The following THUMPD1 variants were observed in gnomAD, a reference collection of about 807,000 sequenced individuals.
THUMPD1 encodes THUMP domain-containing protein 1.
THUMPD1 carries 31 observed loss-of-function variants against 31.6 expected under a neutral mutation model. The ratio of observed to expected loss-of-function variants is 0.98; its 90% CI spans 0.74 to 1.32. The LOEUF (loss-of-function observed/expected upper bound fraction) is 1.32. Among genes scored for constraint, THUMPD1 ranks in the 40% most tolerant of loss-of-function variants. The pLI, the probability that THUMPD1 is intolerant of heterozygous loss-of-function variation, is 0.00. For missense variants in THUMPD1, 446 were observed against 427.8 expected (o/e 1.04, Z -0.38); for synonymous variants, 166 against 158.2 (o/e 1.05, Z -0.37).
At chr16:20,741,328 T>C (rs750800343) in intron 1 of THUMPD1, among the ~76,000 whole-genome samples, 181 bp downstream of exon 1, 43 of 152,208 alleles carry the variant, frequency 2.8e-4, no homozygotes, top group Non-Finnish European at 5.0e-4. Flanking sequence ...ACAAAACCGA[T>C]AGCACCGAAG....
chr16:20,737,694 TAA>T lies in THUMPD1; in HGVS notation c.655+12_655+13del. 1 of 1,591,874 alleles carries T rather than the reference TAA, an allele frequency of 6.3e-7. No homozygotes were observed. Among genetic ancestry groups the T allele is most frequent in the Non-Finnish European group, 8.5e-7 (1 of 1,170,338 alleles). On this transcript the variant is annotated intron_variant, in intron 3 of 3. Transcript: ENST00000396083. ...CCATTGAATGCCTATGGAAAATCAC[TAA>T]GAGAAACATACCTGCCAATTCTCTG...
In THUMPD1 at chr16:20,736,616, G is replaced by T; in HGVS notation, c.*264C>A. 2 of 407,940 alleles carry T rather than the reference G, an allele frequency of 4.9e-6. No homozygotes were observed. The highest frequency in any genetic ancestry group is 8.1e-5 in the East Asian group (2 of 24,544). The allele number at this position is 407,940 out of a possible 1,614,324, so 25.3% of individuals were successfully genotyped here. On this transcript the variant is annotated 3_prime_UTR_variant, in exon 4 of 4. Coordinates refer to ENST00000396083, the MANE Select transcript of THUMPD1 (RefSeq NM_017736.5). ...AGTCAGCTGGCACTGCAGAAGAGGA[G>T]CCTGGGAGAGGCCAACATCCCCCTC...
chr16:20,738,023 A>AT, intron 2 of THUMPD1, 67 bp from the exon 3 acceptor site: 1 of 1,414,512 alleles, frequency 7.1e-7, no homozygotes, highest in Non-Finnish European at 9.7e-7. Context: ...TCTAAAATGA[A>AT]TTTTCACTGG....
chr16:20,737,793 A>G lies in THUMPD1; in HGVS notation c.570T>C (p.Ala190=). 6.2e-7 allele frequency: 1 copy of G among 1,613,868 alleles called. No individual in the cohort carries two copies. The highest frequency in any genetic ancestry group is 8.5e-7 in the Non-Finnish European group (1 of 1,179,916). ...AETFLEPWFK[A]PNKGTFQIVY... ...CAATCTGAAATGTCCCTTTGTTTGG[A>G]GCTTTAAACCAGGGTTCCAAAAATG... The change falls in exon 3 of 4, where the codon GCT becomes GCC. Residue 190 remains alanine, a synonymous_variant. Transcript: ENST00000396083.
Position 20,735,527 on chromosome 16 carries a change from TTTC to T in THUMPD1, c.*1350_*1352del, listed in dbSNP as rs1374616185. Reference sequence around the variant, plus strand: ...GTGTGCTATAATGTCAACATCAGGATTTCTTTTTTTTTTTTTAATAACGCAAAA... The same window carrying T: ...GTGTGCTATAATGTCAACATCAGGATTTTTTTTTTTTTTAATAACGCAAAA... On this transcript the variant is annotated 3_prime_UTR_variant, in exon 4 of 4. Coordinates refer to ENST00000396083, the MANE Select transcript of THUMPD1 (RefSeq NM_017736.5). 6 of 149,330 alleles carry T rather than the reference TTTC, an allele frequency of 4.0e-5. No individual in the cohort carries two copies. Among genetic ancestry groups the T allele is most frequent in the Admixed American group, 3.3e-4 (5 of 15,176 alleles). 9.3% of individuals were successfully genotyped at this position (149,330 alleles called of 1,614,324 possible).
chr16:20,738,882 A>G lies in THUMPD1; in HGVS notation c.406+15T>C. The G allele has an allele frequency of 6.2e-7, 1 of 1,612,700 alleles. No individual in the cohort carries two copies. The highest frequency in any genetic ancestry group is 8.5e-7 in the Non-Finnish European group (1 of 1,178,936). On this transcript the variant is annotated intron_variant, in intron 2 of 3. Coordinates refer to ENST00000396083, the MANE Select transcript of THUMPD1 (RefSeq NM_017736.5). The stretch of plus-strand genomic sequence containing the variant: ...ATGTTATGAGATCGATAATCTTAGC[A>G]AGTATTTGTCACACCTATCCCAAGT...
Position 20,737,964 on chromosome 16 carries a change from A to C in THUMPD1, c.407-8T>G. ...GCACCAATTTCTCAGGCTCTTAAGAAAAAAAAAAAGTTAAGAAGATAATTT... is the reference window on the plus strand; with the variant it reads ...GCACCAATTTCTCAGGCTCTTAAGACAAAAAAAAAGTTAAGAAGATAATTT... On this transcript the variant is annotated splice_polypyrimidine_tract_variant and splice_region_variant and intron_variant, in intron 2 of 3. Transcript: ENST00000396083. 2 of 1,558,172 alleles carry C rather than the reference A, an allele frequency of 1.3e-6. No homozygotes were observed. Among genetic ancestry groups the C allele is most frequent in the Non-Finnish European group, 1.7e-6 (2 of 1,156,202 alleles).
intron 2 of THUMPD1, 129 bp downstream of exon 2, chr16:20,738,768 T>G: frequency 9.6e-7 from 1 of 1,046,766 alleles, no homozygotes; most frequent in Non-Finnish European, 1.4e-6. Flanking sequence ...GCTAATACAG[T>G]GTACAGAAGC....
intron 1 of THUMPD1, among the ~76,000 whole-genome samples, chr16:20,740,793 T>G (rs1018165474): frequency 2.0e-5 from 3 of 152,244 alleles, no homozygotes; most frequent in African/African-American, 7.2e-5. Flanking sequence ...TGGTAAAAGT[T>G]TTTACGTTCT....
chr16:20,737,154 T>C lies in THUMPD1; in HGVS notation c.788A>G (p.Asn263Ser), dbSNP rs2079877423. The change falls in exon 4 of 4, where the codon AAT (asparagine) becomes AGT (serine). Residue 263 changes from asparagine (N) to serine (S), a missense_variant. Asn to Ser is a conservative substitution (Grantham distance 46). Transcript: ENST00000396083. ...VKDYMLFRKY[N>S]LQEVVKSPKD... Reference sequence around the variant, plus strand: ...AGGGCTCTTCACCACCTCCTGGAGATTGTATTTTCTAAACAACATGTAATC... The same window carrying C: ...AGGGCTCTTCACCACCTCCTGGAGACTGTATTTTCTAAACAACATGTAATC... The C allele has an allele frequency of 2.5e-6, 4 of 1,614,202 alleles. No homozygotes were observed. Among genetic ancestry groups the C allele is most frequent in the Non-Finnish European group, 3.4e-6 (4 of 1,180,028 alleles).
At position 20,739,052 on chromosome 16, in the gene THUMPD1, T is replaced by C. The variant is rs370706172; in HGVS notation, c.251A>G (p.Gln84Arg). 113 of 1,614,072 alleles carry C rather than the reference T, an allele frequency of 7.0e-5. No homozygotes were observed. The highest frequency in any genetic ancestry group is 8.4e-5 in the Non-Finnish European group (99 of 1,180,030). Residue 84 changes from glutamine to arginine, a missense_variant, in exon 2 of 4, where the codon CAG (glutamine) becomes CGG (arginine). Physicochemically the swap from Gln to Arg is conservative, Grantham distance 43. Coordinates refer to ENST00000396083, the MANE Select transcript of THUMPD1 (RefSeq NM_017736.5). ...GPEKFTDKDQ[Q>R]PSGSEGEDDD... is the part of the protein sequence containing the mutation. ...ATCCTCTCCCTCACTTCCAGAGGGC[T>C]GCTGATCCTTGTCTGTAAACTGTTT...
At position 20,741,503 on chromosome 16, in the gene THUMPD1, C is replaced by G; in HGVS notation, c.231+6G>C. 1 of 1,459,302 alleles carries G rather than the reference C, an allele frequency of 6.9e-7. No individual in the cohort carries two copies. The highest frequency in any genetic ancestry group is 9.0e-7 in the Non-Finnish European group (1 of 1,106,394). The allele number at this position is 1,459,302 out of a possible 1,614,324, so 90.4% of individuals were successfully genotyped here. ...CCGGCCCGCCCGCCCACCCCGGGAC[C>G]GGTACCTTTTCTGGCCCATACATGT... On this transcript the variant is annotated splice_donor_region_variant and intron_variant, in intron 1 of 3. Coordinates refer to ENST00000396083, the MANE Select transcript of THUMPD1 (RefSeq NM_017736.5).
In THUMPD1 at chr16:20,734,370, G is replaced by C. The variant is rs1425645031; in HGVS notation, c.*2510C>G. The stretch of plus-strand genomic sequence containing the variant: ...ATTAATAATCCTCTTATCAATCATT[G>C]CAAGGTAACTTCAATGTCATTAAGT... On this transcript the variant is annotated 3_prime_UTR_variant, in exon 4 of 4. Coordinates refer to ENST00000396083, the MANE Select transcript of THUMPD1 (RefSeq NM_017736.5). 6.6e-6 allele frequency: 1 copy of C among 152,514 alleles called. No homozygotes were observed. Among genetic ancestry groups the C allele is most frequent in the East Asian group, 1.9e-4 (1 of 5,198 alleles). The allele number at this position is 152,514 out of a possible 1,614,324, so 9.4% of individuals were successfully genotyped here.
rs766340150 is a variant in THUMPD1 at position 20,737,924 on chromosome 16, C to T, written c.439G>A (p.Asp147Asn). 6.2e-7 allele frequency: 1 copy of T among 1,610,786 alleles called. No individual in the cohort carries two copies. The highest frequency in any genetic ancestry group is 8.5e-7 in the Non-Finnish European group (1 of 1,178,996). The change falls in exon 3 of 4, where the codon GAT becomes AAT. Residue 147 changes from aspartate (D) to asparagine (N), a missense_variant. Physicochemically the swap from Asp to Asn is conservative, Grantham distance 23 (BLOSUM62 1). Transcript: ENST00000396083. ...TTCTTTTTCTTGGTTTTGTACATAT[C>T]CTGGAGAATATGATGCACCAATTTC... ...PEKLVHHILQDMYKTKKKKTR... is the reference protein window; with the variant it reads ...PEKLVHHILQNMYKTKKKKTR...
chr16:20,737,978 A>C, intron 2 of THUMPD1, 22 bp from the exon 3 acceptor site: 1 of 1,566,286 alleles, frequency 6.4e-7, no homozygotes, highest in South Asian at 1.2e-5. Context: ...AAAAAAGTTA[A>C]GAAGATAATT....
Position 20,736,954 on chromosome 16 carries a change from C to A in THUMPD1, c.988G>T (p.Glu330Ter), listed in dbSNP as rs1161376349. 6 of 1,614,160 alleles carry A rather than the reference C, an allele frequency of 3.7e-6. No homozygotes were observed. The highest frequency in any genetic ancestry group is 2.2e-5 in the East Asian group (1 of 44,886). ...GCAAGTTCAGGTTTGGCTCCTCCCT[C>A]ATTTACCACCTGTGGATTAGACGTT... ...KPTSNPQVVN[E>*]GGAKPELASQ... is the part of the protein sequence containing the mutation. The change falls in exon 4 of 4, where the codon GAG (glutamate) becomes TAG (stop). Residue 330 changes from glutamate (E) to a stop codon, truncating the protein, a stop_gained. Transcript: ENST00000396083. LOFTEE classifies it high-confidence loss of function.
chr16:20,739,059 C>T lies in THUMPD1; in HGVS notation c.244G>A (p.Asp82Asn). Reference protein sequence around the residue: ...MYGPEKFTDKDQQPSGSEGED... With the variant: ...MYGPEKFTDKNQQPSGSEGED... ...CCCTCACTTCCAGAGGGCTGCTGAT[C>T]CTTGTCTGTAAACTGTTTGCATAAA... The change falls in exon 2 of 4, where the codon GAT (aspartate) becomes AAT (asparagine). Residue 82 changes from aspartate to asparagine, a missense_variant. Physicochemically the swap from Asp to Asn is conservative, Grantham distance 23. Coordinates refer to ENST00000396083, the MANE Select transcript of THUMPD1 (RefSeq NM_017736.5). The T allele has an allele frequency of 6.2e-7, 1 of 1,614,176 alleles. No individual in the cohort carries two copies. Among genetic ancestry groups the T allele is most frequent in the Non-Finnish European group, 8.5e-7 (1 of 1,180,036 alleles).
In THUMPD1 at chr16:20,736,378, TAAAAAAAAAA is replaced by T. The variant is rs33947944; in HGVS notation, c.*492_*501del. 1 of 129,244 alleles carries T rather than the reference TAAAAAAAAAA, an allele frequency of 7.7e-6. No homozygotes were observed. Among genetic ancestry groups the T allele is most frequent in the Non-Finnish European group, 1.6e-5 (1 of 62,634 alleles). The allele number at this position is 129,244 out of a possible 1,614,324, so 8.0% of individuals were successfully genotyped here. Reference sequence around the variant, plus strand: ...TGTCAGCTATATTACACACAAATGTTAAAAAAAAAAAAAAAAAACAGACATAAACAAGAAA... The same window carrying T: ...TGTCAGCTATATTACACACAAATGTTAAAAAAAACAGACATAAACAAGAAA... On this transcript the variant is annotated 3_prime_UTR_variant, in exon 4 of 4. Transcript: ENST00000396083.
intron 1 of THUMPD1, among the ~76,000 whole-genome samples, chr16:20,741,103 T>G (rs1428715697): frequency 6.6e-6 from 1 of 151,996 alleles, no homozygotes; most frequent in East Asian, 1.9e-4. Context: ...TTATCTACAA[T>G]TTACAAAACT....
Sources: allele counts gnomAD v4.1 joint callset (sites outside exome capture counted in the v4.1 genomes callset), GRCh38; gene constraint gnomAD v4.1.1; transcripts MANE v1.5; gene names NCBI Gene and HGNC (gene_info 2026-07-23, HGNC 2026-07-21).